Variants in SEM1 observed in about 807,000 individuals in gnomAD.
SEM1 encodes SEM1 26S proteasome subunit, also known as 26S proteasome complex subunit SEM1.
A neutral mutation model predicts 12.7 loss-of-function variants in SEM1; 3 were observed. The ratio of observed to expected loss-of-function variants is 0.24; its 90% confidence interval spans 0.11 to 0.61. The LOEUF is 0.61. Among genes scored for constraint, SEM1 ranks in the 20% least tolerant of loss-of-function variants. The probability of loss-of-function intolerance (pLI) is 0.88; values close to 1 mark genes in which losing one functional copy is unlikely to be tolerated. For synonymous variants in SEM1, 30 were observed against 27.8 expected, an observed-to-expected ratio of 1.08 and a Z score of -0.25; for missense variants, 59 against 81.3, an observed-to-expected ratio of 0.73 and a Z score of 1.06.
chr7:96,526,899 A>C (rs1189940363), intron 2 of SEM1, among the ~76,000 whole-genome samples: 1 of 151,950 alleles, frequency 6.6e-6, no homozygotes, highest in Non-Finnish European at 1.5e-5. Context: ...TTTGTCCCTT[A>C]CTCTAAAAAT....
intron 2 of SEM1, among the ~76,000 whole-genome samples, chr7:96,573,598 C>A (rs946182388): frequency 1.3e-5 from 2 of 152,156 alleles, no homozygotes; most frequent in African/African-American, 4.8e-5. Flanking sequence ...ATTGGCCCCC[C>A]TCTCTTCTAC....
intron 1 of SEM1, among the ~76,000 whole-genome samples, chr7:96,697,703 A>G (rs1790141412): frequency 6.6e-6 from 1 of 152,130 alleles, no homozygotes; most frequent in Non-Finnish European, 1.5e-5. Context: ...GAAAAGAAAA[A>G]TACTAAATTG....
chr7:96,695,082 C>T (rs996930197), intron 1 of SEM1, 191 bp from the exon 2 acceptor site: 1 of 392,336 alleles, frequency 2.5e-6, no homozygotes, highest in East Asian at 3.7e-5. Flanking sequence ...TTGCAGATAA[C>T]CTAAAACAGA....
chr7:96,607,357 C>A (rs1407040351), intron 2 of SEM1, among the ~76,000 whole-genome samples: 1 of 152,176 alleles, frequency 6.6e-6, no homozygotes. Context: ...CAGGATTTAT[C>A]TCAAATTGGA....
At chr7:96,635,172 G>A (rs986986965) in intron 2 of SEM1, among the ~76,000 whole-genome samples, 1 of 152,198 alleles carries the variant, frequency 6.6e-6, no homozygotes, top group African/African-American at 2.4e-5. Flanking sequence ...AAGGAATCAC[G>A]ATAATTCCTA....
downstream of SEM1, among the ~76,000 whole-genome samples, chr7:96,669,642 C>A (rs1298064159): frequency 6.6e-6 from 1 of 152,058 alleles, no homozygotes; most frequent in Non-Finnish European, 1.5e-5. Context: ...AATATGCACT[C>A]TTTTATTTAG....
At chr7:96,697,938 T>C (rs1790150450) in intron 1 of SEM1, among the ~76,000 whole-genome samples, 1 of 152,186 alleles carries the variant, frequency 6.6e-6, no homozygotes, top group African/African-American at 2.4e-5. Flanking sequence ...ATCTAATGTC[T>C]AGTCAGTGAC....
intron 2 of SEM1, among the ~76,000 whole-genome samples, chr7:96,564,749 C>A (rs1007525749): frequency 1.2e-4 from 18 of 151,938 alleles, no homozygotes; most frequent in African/African-American, 4.1e-4. Flanking sequence ...AAATCTTACA[C>A]CCTTTTGATG....
downstream of SEM1, among the ~76,000 whole-genome samples, chr7:96,686,216 T>G (rs531046484): frequency 1.3e-3 from 195 of 152,108 alleles, no homozygotes; most frequent in Non-Finnish European, 2.4e-3. Context: ...AAATAATAAT[T>G]TTTTTCATCT....
downstream of SEM1, among the ~76,000 whole-genome samples, chr7:96,620,447 A>T (rs554984707): frequency 3.2e-4 from 49 of 152,272 alleles, no homozygotes; most frequent in African/African-American, 1.1e-3. Context: ...GCTTGGAGGC[A>T]TGTGGGGTAC....
chr7:96,540,659 G>T (rs1191825376), intron 2 of SEM1, among the ~76,000 whole-genome samples: 1 of 151,752 alleles, frequency 6.6e-6, no homozygotes, highest in Non-Finnish European at 1.5e-5. Flanking sequence ...ACATTTGCAC[G>T]TTTGTTACAT....
intron 2 of SEM1, among the ~76,000 whole-genome samples, chr7:96,601,605 G>C (rs2116192176): frequency 6.6e-6 from 1 of 152,272 alleles, no homozygotes; most frequent in East Asian, 1.9e-4. Flanking sequence ...AGTCAGGTGA[G>C]TTAATTGATG....
chr7:96,544,815 C>G (rs1297940560), intron 2 of SEM1, among the ~76,000 whole-genome samples: 1 of 151,818 alleles, frequency 6.6e-6, no homozygotes, highest in Non-Finnish European at 1.5e-5. Flanking sequence ...AATATATTTA[C>G]TATTTATTAA....
intron 2 of SEM1, among the ~76,000 whole-genome samples, chr7:96,539,374 A>G (rs1227822073): frequency 6.6e-6 from 1 of 151,872 alleles, no homozygotes; most frequent in Non-Finnish European, 1.5e-5. Context: ...GATAACTAAT[A>G]TAATATATAC....
intron 2 of SEM1, among the ~76,000 whole-genome samples, chr7:96,614,453 C>T (rs1807640085): frequency 6.6e-6 from 1 of 152,208 alleles, no homozygotes; most frequent in Non-Finnish European, 1.5e-5. Context: ...TCAAGATGAA[C>T]TGTGAATACA....
chr7:96,532,719 C>T lies in SEM1; in HGVS notation c.171-26021G>A, dbSNP rs774401201. On this transcript the variant is annotated intron_variant and NMD_transcript_variant, in intron 2 of 3. Transcript: ENST00000466986. Reference sequence around the variant, plus strand: ...ATTTGTTTATAAACCCACTGAAGAGCTAAATGAAGCAAAATGCATTATCGT... The same window carrying T: ...ATTTGTTTATAAACCCACTGAAGAGTTAAATGAAGCAAAATGCATTATCGT... Among the ~76,000 whole-genome samples, 4 of 152,230 alleles carry T rather than the reference C, an allele frequency of 2.6e-5. No individual in the cohort carries two copies. In the South Asian group the frequency reaches 8.3e-4, roughly 32 times the overall value.
downstream of SEM1, among the ~76,000 whole-genome samples, chr7:96,619,694 G>T (rs568102488): frequency 5.3e-5 from 8 of 152,096 alleles, no homozygotes; most frequent in African/African-American, 1.9e-4. Context: ...AGCAACCACC[G>T]GGACCCAAGC....
At chr7:96,546,704 T>G (rs1200811365) in intron 2 of SEM1, among the ~76,000 whole-genome samples, 1 of 152,154 alleles carries the variant, frequency 6.6e-6, no homozygotes, top group African/African-American at 2.4e-5. Context: ...GGTTTTATTC[T>G]GTGATTTGTT....
At chr7:96,531,028 G>T (rs1334825471) in intron 2 of SEM1, among the ~76,000 whole-genome samples, 1 of 152,072 alleles carries the variant, frequency 6.6e-6, no homozygotes, top group Admixed American at 6.6e-5. Context: ...CTGGATCATA[G>T]AATTTAGCTA....
Sources: allele counts gnomAD v4.1 joint callset (sites outside exome capture counted in the v4.1 genomes callset), GRCh38; gene constraint gnomAD v4.1.1; transcripts MANE v1.5; gene names NCBI Gene and HGNC (gene_info 2026-07-23, HGNC 2026-07-21).